INPP5F: variants seen among roughly 807,000 people sequenced by gnomAD.
INPP5F encodes phosphatidylinositide 4-phosphatase SAC2.
INPP5F carries 97 observed loss-of-function variants against 137.2 expected under a neutral mutation model. That is an observed-to-expected ratio of 0.71 (90% CI 0.60 to 0.84). INPP5F has a LOEUF of 0.84. Ranked by LOEUF, INPP5F falls within the 40% of genes least tolerant of loss-of-function variation. The pLI, the probability that INPP5F is intolerant of heterozygous loss-of-function variation, is 0.00. For missense variants in INPP5F, 1,271 were observed against 1,371.9 expected (o/e 0.93, Z 1.16); for synonymous variants, 504 against 476.9 (o/e 1.06, Z -0.74).
At chr10:119,805,015 A>G (rs894375822) in intron 10 of INPP5F, among the ~76,000 whole-genome samples, 1 of 152,142 alleles carries the variant, frequency 6.6e-6, no homozygotes, top group African/African-American at 2.4e-5. Context: ...GCATGAGCCA[A>G]TGTGCCCGGC....
At chr10:119,763,477 C>T (rs1342033252) in intron 2 of INPP5F, among the ~76,000 whole-genome samples, 1 of 152,232 alleles carries the variant, frequency 6.6e-6, no homozygotes, top group Non-Finnish European at 1.5e-5. Flanking sequence ...AAGAATAGTG[C>T]ACATTCTCTG....
intron 3 of INPP5F, among the ~76,000 whole-genome samples, chr10:119,782,652 G>C (rs1666887640): frequency 6.6e-6 from 1 of 150,980 alleles, no homozygotes; most frequent in African/African-American, 2.4e-5. Flanking sequence ...CTTGTCTTGT[G>C]GAAAAAAAAA....
intron 6 of INPP5F, among the ~76,000 whole-genome samples, chr10:119,792,937 T>C (rs1440605480): frequency 3.3e-5 from 5 of 152,200 alleles, no homozygotes; most frequent in Non-Finnish European, 7.3e-5. Context: ...TTCTCCCCTT[T>C]AGTGGTGGTT....
rs756969476 is a variant in INPP5F at position 119,798,530 on chromosome 10, C to T, written c.1049-13C>T. ...TGGGAAGGAAAAAAAGATTTTGTAT[C>T]ACTTCTTTGTAGGTGAAAAGGAAAC... On this transcript the variant is annotated splice_polypyrimidine_tract_variant and intron_variant, in intron 8 of 19. Transcript: ENST00000650623. 3.8e-6 allele frequency: 6 copies of T among 1,597,252 alleles called. No individual in the cohort carries two copies. In the South Asian group the frequency reaches 5.6e-5, roughly 15 times the overall value.
At position 119,823,108 on chromosome 10, in the gene INPP5F, C is replaced by T. The variant is rs1439020314; in HGVS notation, c.2070C>T (p.Ser690=). The stretch of plus-strand genomic sequence containing the variant: ...CTCTTTTTGGTAAGCCAAAGTTCTC[C>T]TGCATGCGACTGCACTACAGATACA... ...EPTLFGKPKF[S]CMRLHYRYKE... is the part of the protein sequence containing the mutation. Residue 690 remains serine (S), a synonymous_variant, in exon 18 of 20, where the codon TCC becomes TCT. Transcript: ENST00000650623. 1.2e-6 allele frequency: 2 copies of T among 1,613,970 alleles called. No homozygotes were observed. The highest frequency in any genetic ancestry group is 1.7e-5 in the Admixed American group (1 of 60,026).
chr10:119,766,811 A>ATC (rs896539237), intron 2 of INPP5F, among the ~76,000 whole-genome samples: 4 of 152,156 alleles, frequency 2.6e-5, no homozygotes, highest in African/African-American at 9.7e-5. Context: ...ATTAAAAGAA[A>ATC]TACTAGAGAG....
At chr10:119,759,786 A>G (rs1021151759) in intron 2 of INPP5F, among the ~76,000 whole-genome samples, 2 of 152,192 alleles carry the variant, frequency 1.3e-5, no homozygotes, top group Admixed American at 6.5e-5. Flanking sequence ...GTGTGAGAGG[A>G]TTACATTCTC....
chr10:119,777,800 A>G (rs1324514020), intron 2 of INPP5F, among the ~76,000 whole-genome samples: 1 of 152,106 alleles, frequency 6.6e-6, no homozygotes, highest in East Asian at 1.9e-4. Flanking sequence ...GTTTAATGAT[A>G]ATAGGGAAAT....
intron 1 of INPP5F, among the ~76,000 whole-genome samples, chr10:119,729,695 A>G (rs1207258245): frequency 1.3e-5 from 2 of 149,864 alleles, no homozygotes; most frequent in East Asian, 3.9e-4. Context: ...CTCCCACCTC[A>G]GTCCCCCAGG....
chr10:119,768,854 C>T (rs932548058), intron 2 of INPP5F, among the ~76,000 whole-genome samples: 1 of 152,140 alleles, frequency 6.6e-6, no homozygotes, highest in Non-Finnish European at 1.5e-5. Context: ...TCCAAAAGAG[C>T]GGTGAAAATA....
intron 19 of INPP5F, 80 bp downstream of exon 19, chr10:119,823,982 G>T: frequency 9.7e-7 from 1 of 1,035,214 alleles, no homozygotes; most frequent in African/African-American, 1.6e-5. Flanking sequence ...CAGGGGGAAA[G>T]GGGAGGAGAT....
chr10:119,827,438 T>C lies in INPP5F; in HGVS notation c.3057T>C (p.Ser1019=). The C allele has an allele frequency of 6.2e-7, 1 of 1,614,218 alleles. No homozygotes were observed. The highest frequency in any genetic ancestry group is 8.5e-7 in the Non-Finnish European group (1 of 1,180,042). The change falls in exon 20 of 20, where the codon TCT becomes TCC. Residue 1019 remains serine (S), a synonymous_variant. Coordinates refer to ENST00000650623, the MANE Select transcript of INPP5F (RefSeq NM_014937.4). The stretch of plus-strand genomic sequence containing the variant: ...CATCGCAATTAGATGTCTCTCTTTC[T>C]GCAACAGGCCCACAGTTTTTGTCAG... The part of the protein sequence containing the change: ...SRPSQLDVSL[S]ATGPQFLSVE...
rs139605448 is a variant in INPP5F, at chr10:119,761,767, A to T, written c.178+10611A>T. Among the ~76,000 whole-genome samples, 896 of 152,298 alleles carry T rather than the reference A, an allele frequency of 5.9e-3. 9 individuals are homozygous for T. The highest frequency in any genetic ancestry group is 0.02 in the African/African-American group (849 of 41,566). ...CCAATTAATAGCTTCTGCAGCAGAT[A>T]CCAATGAAGTAGGTTTTATGCACAC... On this transcript the variant is annotated intron_variant, in intron 2 of 19. Transcript: ENST00000650623.
At chr10:119,798,729 C>T (rs1013168146) in intron 9 of INPP5F, 119 bp downstream of exon 9, 20 of 402,142 alleles carry the variant, frequency 5.0e-5, no homozygotes, top group Non-Finnish European at 7.3e-5. Flanking sequence ...TGAAGTTTAA[C>T]ACATTTAAGC....
intron 6 of INPP5F, among the ~76,000 whole-genome samples, chr10:119,792,935 T>C (rs1222447646): frequency 1.3e-5 from 2 of 152,182 alleles, no homozygotes; most frequent in African/African-American, 4.8e-5. Flanking sequence ...GTTTCTCCCC[T>C]TTAGTGGTGG....
intron 9 of INPP5F, among the ~76,000 whole-genome samples, chr10:119,802,593 T>C (rs568723710): frequency 2.6e-5 from 4 of 152,366 alleles, no homozygotes; most frequent in African/African-American, 7.2e-5. Context: ...CTTTAGGATA[T>C]ACTAGTTATT....
rs143054104 is a variant in INPP5F at position 119,733,259 on chromosome 10, G to C, written c.97+6900G>C. ...GATAACTAGTTTGTTTGTTGATCCTGTGCCTGCATTGACTTTCTTGCAAAA... is the reference window on the plus strand; with the variant it reads ...GATAACTAGTTTGTTTGTTGATCCTCTGCCTGCATTGACTTTCTTGCAAAA... On this transcript the variant is annotated intron_variant, in intron 1 of 19. Transcript: ENST00000650623. Among the ~76,000 whole-genome samples, 174 of 152,322 alleles carry C rather than the reference G, an allele frequency of 1.1e-3. 2 individuals are homozygous for C. Among genetic ancestry groups the C allele is most frequent in the African/African-American group, 3.9e-3 (162 of 41,588 alleles).
At chr10:119,798,179 TTC>T (rs936063143) in intron 8 of INPP5F, among the ~76,000 whole-genome samples, 1 of 151,852 alleles carries the variant, frequency 6.6e-6, no homozygotes, top group Admixed American at 6.6e-5. Flanking sequence ...TAAAGTAAAT[TTC>T]TCTCTCAACT....
At chr10:119,805,510 A>G (rs1165038390) in intron 11 of INPP5F, 49 bp downstream of exon 11, 4 of 1,241,936 alleles carry the variant, frequency 3.2e-6, no homozygotes, top group African/African-American at 1.5e-5. Flanking sequence ...GATCTGTAAA[A>G]TAGTACCACT....
Sources: allele counts gnomAD v4.1 joint callset (sites outside exome capture counted in the v4.1 genomes callset), GRCh38; gene constraint gnomAD v4.1.1; transcripts MANE v1.5; gene names NCBI Gene and HGNC (gene_info 2026-07-23, HGNC 2026-07-21).